Variants in CCSER1 observed in about 807,000 individuals in gnomAD.
CCSER1 encodes the protein coiled-coil serine rich protein 1.
Under a neutral mutation model 82.0 loss-of-function variants are expected in CCSER1, and 41 were observed. The ratio of observed to expected loss-of-function variants is 0.50; its 90% CI spans 0.39 to 0.65. The LOEUF (loss-of-function observed/expected upper bound fraction) is 0.65, where lower values mean the gene tolerates loss of function less well. Ranked by LOEUF, CCSER1 falls within the 30% of genes least tolerant of loss-of-function variation. The pLI is 0.00. For synonymous variants in CCSER1, 414 were observed against 383.9 expected, an observed-to-expected ratio of 1.08 and a Z score of -0.92; for missense variants, 1,119 against 1,064.2, an observed-to-expected ratio of 1.05 and a Z score of -0.72.
chr4:91,159,027 C>T (rs1275982641), intron 10 of CCSER1, among the ~76,000 whole-genome samples: 2 of 151,880 alleles, frequency 1.3e-5, no homozygotes, highest in Non-Finnish European at 2.9e-5. Flanking sequence ...CAGTACAGCT[C>T]GGATCATATT....
At chr4:91,263,135 T>G (rs2149168768) in intron 10 of CCSER1, among the ~76,000 whole-genome samples, 1 of 152,202 alleles carries the variant, frequency 6.6e-6, no homozygotes, top group Non-Finnish European at 1.5e-5. Context: ...TAGTTAAATT[T>G]GCTGCTTGCT....
chr4:90,259,017 G>T (rs1445866544), intron 1 of CCSER1, among the ~76,000 whole-genome samples: 3 of 152,094 alleles, frequency 2.0e-5, no homozygotes, highest in African/African-American at 7.2e-5. Context: ...GTTCTGTGAG[G>T]AATGATGGTG....
Position 91,159,414 on chromosome 4 carries a change from AT to A in CCSER1, c.2217+73421del, listed in dbSNP as rs1470800665. ...CTTGTCATAGTGTTTTCCGATAAAA[AT>A]ATCTCCAAAAATTAGATAAATGCCA... On this transcript the variant is annotated intron_variant, in intron 10 of 10. Coordinates refer to ENST00000509176, the MANE Select transcript of CCSER1 (RefSeq NM_001145065.2). 1.5e-4 allele frequency among the ~76,000 whole-genome samples: 23 copies of A among 152,128 alleles called. No homozygotes were observed. The East Asian group carries it at 4.4e-3, about 29-fold the overall frequency.
intron 6 of CCSER1, among the ~76,000 whole-genome samples, chr4:90,697,382 A>T (rs545622380): frequency 2.1e-3 from 260 of 121,254 alleles, no homozygotes; most frequent in Non-Finnish European, 3.6e-3. Flanking sequence ...GTTATTTCAC[A>T]TAACATAAAA....
chr4:91,556,295 C>CTT (rs33962647), intron 10 of CCSER1, among the ~76,000 whole-genome samples: 1 of 17,578 alleles, frequency 5.7e-5, no homozygotes, highest in Non-Finnish European at 1.0e-4. Context: ...TATCTGTAAA[C>CTT]TGTTAAAAAA....
chr4:91,063,904 T>G (rs1327007893), intron 9 of CCSER1, among the ~76,000 whole-genome samples: 1 of 152,220 alleles, frequency 6.6e-6, no homozygotes, highest in Non-Finnish European at 1.5e-5. Flanking sequence ...TAAGGTCTCA[T>G]GTCTGGGAAA....
chr4:91,104,727 C>T (rs1725436277), intron 10 of CCSER1, among the ~76,000 whole-genome samples: 1 of 152,146 alleles, frequency 6.6e-6, no homozygotes, highest in Non-Finnish European at 1.5e-5. Context: ...TCAAAATCAG[C>T]AGGTTTAGTT....
intron 10 of CCSER1, among the ~76,000 whole-genome samples, chr4:91,343,467 TAAA>T (rs776111833): frequency 6.6e-6 from 1 of 152,086 alleles, no homozygotes; most frequent in Non-Finnish European, 1.5e-5. Context: ...ACTTACCATT[TAAA>T]AAAATACATT....
chr4:91,440,056 C>T (rs539137720), intron 10 of CCSER1, among the ~76,000 whole-genome samples: 39 of 151,980 alleles, frequency 2.6e-4, no homozygotes, highest in African/African-American at 6.8e-4. Flanking sequence ...GACAGATCAA[C>T]GAGACAGAAA....
rs185873723 is a variant in CCSER1 at position 91,492,079 on chromosome 4, G to A, written c.2218-106493G>A. ...CAGGTTTTTACCATACTCCTGATGT[G>A]TACCACTATTTAATTAGCATAATTT... is the stretch of plus-strand genomic sequence containing the variant. On this transcript the variant is annotated intron_variant, in intron 10 of 10. Coordinates refer to ENST00000509176, the MANE Select transcript of CCSER1 (RefSeq NM_001145065.2). Among the ~76,000 whole-genome samples, 609 of 151,120 alleles carry A rather than the reference G, an allele frequency of 4.0e-3. 6 individuals are homozygous for A. The highest frequency in any genetic ancestry group is 0.014 in the African/African-American group (578 of 41,222).
intron 6 of CCSER1, among the ~76,000 whole-genome samples, chr4:90,633,672 C>T (rs1230433816): frequency 6.6e-6 from 1 of 151,896 alleles, no homozygotes; most frequent in Non-Finnish European, 1.5e-5. Context: ...AACCACAAAT[C>T]AGTTAATCTA....
chr4:90,290,310 C>T (rs1423145472), intron 1 of CCSER1, among the ~76,000 whole-genome samples: 1 of 151,556 alleles, frequency 6.6e-6, no homozygotes, highest in Non-Finnish European at 1.5e-5. Flanking sequence ...TTTTATATTA[C>T]CGAACATTTA....
At chr4:90,600,122 T>G (rs1328714845) in intron 5 of CCSER1, among the ~76,000 whole-genome samples, 1 of 152,182 alleles carries the variant, frequency 6.6e-6, no homozygotes, top group Non-Finnish European at 1.5e-5. Context: ...TGCTAATGGA[T>G]ATTTGGATTG....
chr4:90,483,806 T>C (rs910591889), intron 5 of CCSER1, among the ~76,000 whole-genome samples: 90 of 152,312 alleles, frequency 5.9e-4, no homozygotes, highest in African/African-American at 2.1e-3. Flanking sequence ...GCCCTTAACA[T>C]TTTTTCCTTC....
intron 6 of CCSER1, among the ~76,000 whole-genome samples, chr4:90,672,197 G>C (rs1732925639): frequency 6.6e-6 from 1 of 152,010 alleles, no homozygotes; most frequent in Non-Finnish European, 1.5e-5. Flanking sequence ...GAGTCAGCCT[G>C]TCCTTGGAAG....
chr4:90,257,743 A>G (rs1373433849), intron 1 of CCSER1, among the ~76,000 whole-genome samples: 2 of 152,202 alleles, frequency 1.3e-5, no homozygotes, highest in Admixed American at 6.5e-5. Context: ...AGTCAATTAC[A>G]TAGTTCCAGT....
chr4:90,787,281 A>C (rs1754639818), intron 7 of CCSER1, among the ~76,000 whole-genome samples: 1 of 152,196 alleles, frequency 6.6e-6, no homozygotes, highest in Non-Finnish European at 1.5e-5. Context: ...AAGGAGAGAG[A>C]TTCTGTTTCC....
chr4:91,366,011 C>G (rs1326562732), intron 10 of CCSER1, among the ~76,000 whole-genome samples: 1 of 152,140 alleles, frequency 6.6e-6, no homozygotes, highest in Non-Finnish European at 1.5e-5. Context: ...CTTCTGAACT[C>G]TCACCTTCTT....
At chr4:90,415,022 A>T (rs1755587811) in intron 4 of CCSER1, among the ~76,000 whole-genome samples, 3 of 152,192 alleles carry the variant, frequency 2.0e-5, no homozygotes, top group African/African-American at 7.2e-5. Context: ...GAGGCTATGG[A>T]TAAGGTTAAG....
Sources: gnomAD v4.1 joint callset for allele counts (sites outside exome capture counted in the v4.1 genomes callset) on GRCh38, gnomAD v4.1.1 for gene constraint, MANE v1.5 for transcripts, NCBI Gene and HGNC (gene_info 2026-07-23, HGNC 2026-07-21) for gene names.